Variants in CDH18 observed in about 807,000 individuals in gnomAD.
The protein encoded by CDH18 is cadherin-18.
CDH18 carries 31 observed loss-of-function variants against 67.9 expected under a neutral mutation model. That is an observed-to-expected ratio of 0.46 (90% confidence interval 0.34 to 0.62). CDH18 has a LOEUF of 0.62. Ranked by LOEUF, CDH18 falls within the 20% of genes least tolerant of loss-of-function variation. The pLI is 0.01. For missense variants in CDH18, 890 were observed against 975.5 expected (o/e 0.91, Z 1.17); for synonymous variants, 362 against 347.2 (o/e 1.04, Z -0.48).
intron 8 of CDH18, among the ~76,000 whole-genome samples, chr5:19,554,809 G>C (rs1318850644): frequency 6.6e-6 from 1 of 151,888 alleles, no homozygotes; most frequent in East Asian, 1.9e-4. Flanking sequence ...TATCTTTAAT[G>C]AAACATGAAA....
In CDH18 at chr5:20,419,608, G is replaced by A. The variant is rs868211240; in HGVS notation, c.-580+155854C>T. On this transcript the variant is annotated intron_variant, in intron 1 of 14. Coordinates refer to the CDH18 transcript ENST00000507958. ...CTCCTGCCTCAGCTCCCCTTCAGTAGCTGGGACTACAGGCGCCCGCCACGA... is the reference window on the plus strand; with the variant it reads ...CTCCTGCCTCAGCTCCCCTTCAGTAACTGGGACTACAGGCGCCCGCCACGA... Among the ~76,000 whole-genome samples, 28 of 150,188 alleles carry A rather than the reference G, an allele frequency of 1.9e-4. 3 individuals carry two copies. Among genetic ancestry groups the A allele is most frequent in the African/African-American group, 5.7e-4 (23 of 40,248 alleles).
intron 2 of CDH18, among the ~76,000 whole-genome samples, chr5:20,138,652 C>A (rs1749956105): frequency 6.6e-6 from 1 of 152,142 alleles, no homozygotes; most frequent in Non-Finnish European, 1.5e-5. Context: ...AAATCATAAA[C>A]ATTCCTATAC....
At chr5:20,350,515 T>G (rs1371272141) in intron 1 of CDH18, among the ~76,000 whole-genome samples, 3 of 152,132 alleles carry the variant, frequency 2.0e-5, no homozygotes, top group Non-Finnish European at 4.4e-5. Context: ...TAAAGGTAAT[T>G]ACTTTTGTTA....
At chr5:20,005,758 T>A (rs1314427265) in intron 2 of CDH18, among the ~76,000 whole-genome samples, 1 of 152,012 alleles carries the variant, frequency 6.6e-6, no homozygotes, top group Non-Finnish European at 1.5e-5. Flanking sequence ...AAAGAATCAT[T>A]AGGTTAATTT....
chr5:19,972,256 A>C (rs1210646457), intron 2 of CDH18, among the ~76,000 whole-genome samples: 1 of 152,032 alleles, frequency 6.6e-6, no homozygotes, highest in African/African-American at 2.4e-5. Flanking sequence ...AGCATCTTGA[A>C]ATAAATATAC....
intron 2 of CDH18, among the ~76,000 whole-genome samples, chr5:19,902,679 C>T (rs1286933310): frequency 6.6e-6 from 1 of 152,204 alleles, no homozygotes; most frequent in Non-Finnish European, 1.5e-5. Context: ...TGTGAGATAA[C>T]CATTATTGTT....
intron 11 of CDH18, among the ~76,000 whole-genome samples, chr5:19,502,510 T>A (rs944369499): frequency 6.6e-6 from 1 of 152,126 alleles, no homozygotes. Context: ...CATACTTCTG[T>A]GTATCCTTCT....
chr5:20,518,955 A>T (rs1194516614), intron 1 of CDH18, among the ~76,000 whole-genome samples: 1 of 152,224 alleles, frequency 6.6e-6, no homozygotes, highest in African/African-American at 2.4e-5. Flanking sequence ...AAAAGATAAC[A>T]GTTTAAAGTA....
chr5:20,567,102 CAG>C (rs956665833), intron 1 of CDH18, among the ~76,000 whole-genome samples: 1 of 152,070 alleles, frequency 6.6e-6, no homozygotes, highest in Non-Finnish European at 1.5e-5. Flanking sequence ...GTCAGGAAAA[CAG>C]AAAGCACAGC....
At chr5:19,846,895 A>G (rs910621702) in intron 2 of CDH18, among the ~76,000 whole-genome samples, 2 of 149,696 alleles carry the variant, frequency 1.3e-5, no homozygotes, top group Non-Finnish European at 3.0e-5. Flanking sequence ...TGGATATAAT[A>G]TTTTTTGTCG....
intron 2 of CDH18, among the ~76,000 whole-genome samples, chr5:19,862,793 G>A (rs1024831509): frequency 6.6e-6 from 1 of 152,160 alleles, no homozygotes; most frequent in African/African-American, 2.4e-5. Flanking sequence ...ACACAAACTG[G>A]CTCCAGCCAG....
chr5:19,619,032 A>G (rs190852361), intron 5 of CDH18, among the ~76,000 whole-genome samples: 3 of 152,202 alleles, frequency 2.0e-5, no homozygotes, highest in Admixed American at 2.0e-4. Context: ...TATTTAGTAT[A>G]TTATATGCTA....
At chr5:19,998,042 T>C (rs1482776537) in intron 2 of CDH18, among the ~76,000 whole-genome samples, 1 of 152,168 alleles carries the variant, frequency 6.6e-6, no homozygotes, top group Non-Finnish European at 1.5e-5. Context: ...AAAGTGACCA[T>C]GCAGAAGTTA....
At chr5:20,512,523 A>G (rs1254031163) in intron 1 of CDH18, among the ~76,000 whole-genome samples, 1 of 152,128 alleles carries the variant, frequency 6.6e-6, no homozygotes, top group African/African-American at 2.4e-5. Flanking sequence ...CTGTATTTCC[A>G]ATCATCTTTA....
At chr5:19,847,658 T>C (rs2150060105) in intron 2 of CDH18, among the ~76,000 whole-genome samples, 1 of 152,200 alleles carries the variant, frequency 6.6e-6, no homozygotes, top group Admixed American at 6.6e-5. Context: ...CCTTTTACCT[T>C]TGTGTTGGTA....
chr5:19,904,009 C>G (rs1790244561), intron 2 of CDH18, among the ~76,000 whole-genome samples: 1 of 151,986 alleles, frequency 6.6e-6, no homozygotes, highest in Non-Finnish European at 1.5e-5. Flanking sequence ...CGCAGTGGCT[C>G]ACGCTTGAAA....
chr5:20,345,689 A>G (rs1337528899), intron 1 of CDH18, among the ~76,000 whole-genome samples: 1 of 152,106 alleles, frequency 6.6e-6, no homozygotes, highest in Non-Finnish European at 1.5e-5. Context: ...GAATCTTAGT[A>G]ATTGTTAGAT....
chr5:20,305,745 C>T (rs1212048308), intron 1 of CDH18: 1 of 332,278 alleles, frequency 3.0e-6, no homozygotes, highest in East Asian at 7.6e-5. Context: ...GGAACCGCGC[C>T]GAACACGCTT....
At chr5:19,801,207 T>G (rs1401568273) in intron 3 of CDH18, among the ~76,000 whole-genome samples, 1 of 152,198 alleles carries the variant, frequency 6.6e-6, no homozygotes, top group East Asian at 1.9e-4. Flanking sequence ...CCTTTAACAG[T>G]ATCTTTTTTA....
Sources: allele counts gnomAD v4.1 joint callset (sites outside exome capture counted in the v4.1 genomes callset), GRCh38; gene constraint gnomAD v4.1.1; transcripts MANE v1.5; gene names NCBI Gene and HGNC (gene_info 2026-07-23, HGNC 2026-07-21).